The following NCKAP5 variants were observed in gnomAD, a reference collection of about 807,000 sequenced individuals.
The protein encoded by NCKAP5 is NCK associated protein 5.
In NCKAP5, 92 loss-of-function variants were observed where a neutral mutation model predicts 167.0. The ratio of observed to expected loss-of-function variants is 0.55; its 90% CI spans 0.47 to 0.66. The LOEUF is 0.66. Ranked by LOEUF, NCKAP5 falls within the 30% of genes least tolerant of loss-of-function variation. The pLI is 0.00. For synonymous variants in NCKAP5, 891 were observed against 877.4 expected, an observed-to-expected ratio of 1.02 and a Z score of -0.27; for missense variants, 2,378 against 2,315.0, an observed-to-expected ratio of 1.03 and a Z score of -0.56.
chr2:133,401,028 T>C (rs547110506), intron 3 of NCKAP5, among the ~76,000 whole-genome samples: 1 of 152,272 alleles, frequency 6.6e-6, no homozygotes, highest in East Asian at 1.9e-4. Flanking sequence ...AGTTTCCGGA[T>C]GGGACCTGGT....
chr2:132,860,113 T>A (rs1259730945), intron 11 of NCKAP5, among the ~76,000 whole-genome samples: 1 of 151,936 alleles, frequency 6.6e-6, no homozygotes, highest in Non-Finnish European at 1.5e-5. Context: ...GAGTTTGAAA[T>A]AAAAAAAATG....
Position 133,348,693 on chromosome 2 carries a change from C to G in NCKAP5, c.70-45583G>C, listed in dbSNP as rs77962354. Among the ~76,000 whole-genome samples the G allele has an allele frequency of 2.9e-3, 434 of 152,232 alleles. 3 individuals carry two copies. Among genetic ancestry groups the G allele is most frequent in the African/African-American group, 0.01 (416 of 41,538 alleles). ...AAAAATCTTTTTCTCTTGACTCCCCCCTTCTCCATGCTATAAAATATATTG... is the reference window on the plus strand; with the variant it reads ...AAAAATCTTTTTCTCTTGACTCCCCGCTTCTCCATGCTATAAAATATATTG... On this transcript the variant is annotated intron_variant, in intron 3 of 19. Transcript: ENST00000409261.
intron 3 of NCKAP5, among the ~76,000 whole-genome samples, chr2:133,336,488 T>C (rs1683215121): frequency 6.6e-6 from 1 of 152,164 alleles, no homozygotes; most frequent in Non-Finnish European, 1.5e-5. Context: ...TCTTGGTAAA[T>C]GTTTCAAAAG....
intron 9 of NCKAP5, among the ~76,000 whole-genome samples, chr2:132,878,538 C>T (rs1346611815): frequency 6.6e-6 from 1 of 151,744 alleles, no homozygotes; most frequent in Non-Finnish European, 1.5e-5. Flanking sequence ...TAAACTGTGG[C>T]CCAAGAATAT....
intron 9 of NCKAP5, among the ~76,000 whole-genome samples, chr2:132,876,673 G>A (rs1018923008): frequency 1.3e-5 from 2 of 152,190 alleles, no homozygotes; most frequent in African/African-American, 4.8e-5. Flanking sequence ...TACAAAATAT[G>A]TGTATTGCTT....
At chr2:133,439,779 G>A (rs1027894772) in intron 3 of NCKAP5, among the ~76,000 whole-genome samples, 1 of 152,112 alleles carries the variant, frequency 6.6e-6, no homozygotes, top group African/African-American at 2.4e-5. Flanking sequence ...CATTGCTCAG[G>A]TTAAAGAATG....
chr2:132,798,120 C>G (rs1370316311), intron 11 of NCKAP5, among the ~76,000 whole-genome samples: 1 of 152,176 alleles, frequency 6.6e-6, no homozygotes, highest in Non-Finnish European at 1.5e-5. Context: ...ATTTCTCCAG[C>G]AGAGCTAAGA....
chr2:132,703,729 C>T (rs763909830), intron 19 of NCKAP5, among the ~76,000 whole-genome samples: 1 of 152,130 alleles, frequency 6.6e-6, no homozygotes, highest in African/African-American at 2.4e-5. Context: ...ATTTATAATG[C>T]ACTTATTTTG....
chr2:133,103,684 A>C (rs1574039286), intron 6 of NCKAP5, among the ~76,000 whole-genome samples: 1 of 152,236 alleles, frequency 6.6e-6, no homozygotes, highest in East Asian at 1.9e-4. Flanking sequence ...AGGCTGAGGT[A>C]GGGGGATCTC....
chr2:133,339,325 C>T (rs188698777), intron 3 of NCKAP5, among the ~76,000 whole-genome samples: 1 of 151,878 alleles, frequency 6.6e-6, no homozygotes, highest in Non-Finnish European at 1.5e-5. Context: ...GGCCAAGTCA[C>T]TGGGGAAAAA....
intron 6 of NCKAP5, among the ~76,000 whole-genome samples, chr2:133,103,653 G>A (rs1253266231): frequency 1.6e-4 from 25 of 152,108 alleles, no homozygotes; most frequent in Admixed American, 1.6e-3. Context: ...TTGACTGGGC[G>A]TGGTACTCCA....
chr2:133,028,947 CATGTG>C (rs1191597558), intron 6 of NCKAP5, among the ~76,000 whole-genome samples: 1 of 152,138 alleles, frequency 6.6e-6, no homozygotes, highest in African/African-American at 2.4e-5. Context: ...CTGGTTTCAC[CATGTG>C]ATGTGCCTGC....
At chr2:133,185,983 A>G (rs1358003486) in intron 5 of NCKAP5, among the ~76,000 whole-genome samples, 1 of 151,988 alleles carries the variant, frequency 6.6e-6, no homozygotes, top group Non-Finnish European at 1.5e-5. Flanking sequence ...TCTGGCTAGG[A>G]CTTCCAGTCC....
chr2:133,152,446 A>G (rs1388780381), intron 5 of NCKAP5, among the ~76,000 whole-genome samples: 1 of 152,226 alleles, frequency 6.6e-6, no homozygotes, highest in Non-Finnish European at 1.5e-5. Flanking sequence ...CGCCGAATGC[A>G]TTAATAAACT....
At chr2:133,123,850 G>A (rs960258239) in intron 6 of NCKAP5, 1 of 470,434 alleles carries the variant, frequency 2.1e-6, no homozygotes, top group African/African-American at 2.0e-5. Context: ...AGAAGCAGAA[G>A]GGAGTACATG....
chr2:132,828,332 T>C (rs964495773), intron 11 of NCKAP5, among the ~76,000 whole-genome samples: 24 of 152,134 alleles, frequency 1.6e-4, no homozygotes, highest in African/African-American at 5.8e-4. Context: ...AGGAGGGGCC[T>C]GGTGGGAGGT....
chr2:132,688,923 C>G (rs1686334931), intron 19 of NCKAP5, among the ~76,000 whole-genome samples: 1 of 137,192 alleles, frequency 7.3e-6, no homozygotes, highest in Non-Finnish European at 1.5e-5. Flanking sequence ...GAGATTGAGG[C>G]TACAGTGAGC....
At chr2:132,831,685 C>T (rs978975023) in intron 11 of NCKAP5, among the ~76,000 whole-genome samples, 3 of 151,736 alleles carry the variant, frequency 2.0e-5, no homozygotes, top group South Asian at 2.1e-4. Flanking sequence ...ACTTTATTTA[C>T]GATGTCTTTT....
intron 8 of NCKAP5, among the ~76,000 whole-genome samples, chr2:132,897,010 C>T (rs1194225628): frequency 6.6e-6 from 1 of 152,154 alleles, no homozygotes; most frequent in Non-Finnish European, 1.5e-5. Context: ...GCCATAAAAT[C>T]TCAGACAGTA....
Sources: allele counts gnomAD v4.1 joint callset (sites outside exome capture counted in the v4.1 genomes callset), GRCh38; gene constraint gnomAD v4.1.1; transcripts MANE v1.5; gene names NCBI Gene and HGNC (gene_info 2026-07-23, HGNC 2026-07-21).